Variants in DOP1B observed in about 807,000 individuals in gnomAD.
The protein encoded by DOP1B is protein DOP1B.
In DOP1B, 174 loss-of-function variants were observed where a neutral mutation model predicts 233.5. That is an observed-to-expected ratio of 0.75 (90% CI 0.66 to 0.85). The LOEUF (loss-of-function observed/expected upper bound fraction) is 0.85. DOP1B is among the 40% of genes least tolerant of loss of function. The pLI is 0.00. For missense variants in DOP1B, 2,652 were observed against 2,846.6 expected, an observed-to-expected ratio of 0.93 and a Z score of 1.56; for synonymous variants, 1,190 against 1,185.6, an observed-to-expected ratio of 1.00 and a Z score of -0.08.
intron 12 of DOP1B, among the ~76,000 whole-genome samples, chr21:36,227,429 C>A (rs2066704142): frequency 1.3e-5 from 2 of 151,218 alleles, no homozygotes; most frequent in South Asian, 2.1e-4. Flanking sequence ...CACCTGTAGT[C>A]CCAGCTGCTC....
intron 11 of DOP1B, 87 bp downstream of exon 11, chr21:36,223,437 T>C: frequency 6.6e-7 from 1 of 1,504,392 alleles, no homozygotes; most frequent in Non-Finnish European, 8.9e-7. Flanking sequence ...TCAGATTATA[T>C]ATAAGTAGCT....
intron 3 of DOP1B, among the ~76,000 whole-genome samples, chr21:36,199,786 A>AC (rs2066340050): frequency 2.0e-5 from 3 of 152,198 alleles, no homozygotes; most frequent in African/African-American, 7.2e-5. Flanking sequence ...TTATGGCTAC[A>AC]TAGTATTCCA....
chr21:36,236,777 C>CTTTTTTTTTTTTTTTTTTTTTTTTTTTTT (rs35374710), intron 15 of DOP1B, among the ~76,000 whole-genome samples: 19 of 118,570 alleles, frequency 1.6e-4, no homozygotes, highest in Admixed American at 2.9e-4. Context: ...TTTTCTTTTT[C>CTTTTTTTTTTTTTTTTTTTTTTTTTTTTT]TTTTTTTTTT....
At chr21:36,291,453 C>G (rs1015055486) in intron 35 of DOP1B, among the ~76,000 whole-genome samples, 1 of 151,788 alleles carries the variant, frequency 6.6e-6, no homozygotes, top group Non-Finnish European at 1.5e-5. Context: ...CCCAGCTACT[C>G]GGGAGGCTGA....
intron 32 of DOP1B, among the ~76,000 whole-genome samples, chr21:36,287,419 G>A (rs1348363975): frequency 2.0e-5 from 3 of 151,948 alleles, no homozygotes; most frequent in African/African-American, 7.3e-5. Flanking sequence ...GTCATCCAGT[G>A]GATTTCTGGT....
chr21:36,275,759 T>C (rs369923496), intron 27 of DOP1B, among the ~76,000 whole-genome samples: 6 of 152,300 alleles, frequency 3.9e-5, no homozygotes, highest in African/African-American at 1.4e-4. Context: ...TGGTTTGCTC[T>C]GGAACATTTA....
intron 2 of DOP1B, among the ~76,000 whole-genome samples, chr21:36,186,372 ATG>A (rs2123442884): frequency 6.6e-6 from 1 of 151,854 alleles, no homozygotes; most frequent in African/African-American, 2.4e-5. Context: ...TGCAGTGTGT[ATG>A]TGTGGAGTGT....
At chr21:36,207,734 G>A (rs2066445963) in intron 4 of DOP1B, among the ~76,000 whole-genome samples, 1 of 152,092 alleles carries the variant, frequency 6.6e-6, no homozygotes, top group African/African-American at 2.4e-5. Flanking sequence ...ATTGTTTTTT[G>A]TGGTCTTTGC....
At chr21:36,258,546 T>C (rs2067134147) in intron 23 of DOP1B, among the ~76,000 whole-genome samples, 1 of 152,196 alleles carries the variant, frequency 6.6e-6, no homozygotes, top group Non-Finnish European at 1.5e-5. Context: ...AGACTTTTTT[T>C]TCAGCCATTT....
intron 15 of DOP1B, among the ~76,000 whole-genome samples, chr21:36,236,782 T>C (rs534795056): frequency 6.9e-6 from 1 of 145,718 alleles, no homozygotes; most frequent in Admixed American, 6.8e-5. Context: ...TTTTTCTTTT[T>C]TTTTTTTTTT....
rs1248376041 is a variant in DOP1B, at chr21:36,250,156, G to A, written c.4999-1006G>A. 2.0e-5 allele frequency among the ~76,000 whole-genome samples: 3 copies of A among 152,088 alleles called. 1 individual carries two copies. Among genetic ancestry groups the A allele is most frequent in the African/African-American group, 7.2e-5 (3 of 41,400 alleles). On this transcript the variant is annotated intron_variant, in intron 21 of 36. Coordinates refer to ENST00000691173, the MANE Select transcript of DOP1B (RefSeq NM_001320714.2). ...CCTGAGGAACCCAGGGCCGGGGAGC[G>A]GGACCCCACATTAGTCCCTCTAGAG...
intron 2 of DOP1B, among the ~76,000 whole-genome samples, chr21:36,174,272 G>C (rs2066001588): frequency 6.6e-6 from 1 of 152,180 alleles, no homozygotes; most frequent in South Asian, 2.1e-4. Context: ...TGGATTACTT[G>C]AGGTCAGGAG....
chr21:36,269,894 G>A (rs2067267779), intron 26 of DOP1B, 119 bp from the exon 27 acceptor site: 1 of 1,000,916 alleles, frequency 1.0e-6, no homozygotes, highest in Non-Finnish European at 1.5e-6. Context: ...AAGCTTAATG[G>A]TACGTATATG....
chr21:36,198,840 C>G (rs147552904), intron 2 of DOP1B, among the ~76,000 whole-genome samples: 1 of 152,144 alleles, frequency 6.6e-6, no homozygotes, highest in African/African-American at 2.4e-5. Context: ...GAGGTGTGAC[C>G]GAGAAGCTGG....
chr21:36,246,843 A>ATGTTATGTTATG lies in DOP1B; in HGVS notation c.4697+167_4697+168insGTTATGTTATGT. 6.8e-6 allele frequency among the ~76,000 whole-genome samples: 1 copy of ATGTTATGTTATG among 147,016 alleles called. No homozygotes were observed. The highest frequency in any genetic ancestry group is 2.5e-5 in the African/African-American group (1 of 39,402). On this transcript the variant is annotated intron_variant, in intron 19 of 36. Transcript: ENST00000691173. The surrounding 1 kb of genome is among the most constrained non-coding windows in gnomAD (Gnocchi z 5.1). ...AACAAGCAACTAAATGTTCTGATCC[A>ATGTTATGTTATG]TTATGTTATGTTATGTTATGTTATG...
chr21:36,231,437 AAATTGTGT>A (rs2066764029), intron 14 of DOP1B, among the ~76,000 whole-genome samples: 1 of 152,206 alleles, frequency 6.6e-6, no homozygotes, highest in African/African-American at 2.4e-5. Flanking sequence ...AGACTAGCTC[AAATTGTGT>A]AAGCCAAGAA....
chr21:36,206,265 G>T (rs1288211896), intron 4 of DOP1B, among the ~76,000 whole-genome samples: 1 of 151,978 alleles, frequency 6.6e-6, no homozygotes, highest in Non-Finnish European at 1.5e-5. Flanking sequence ...GGGCACAGTG[G>T]CTCACACCTG....
intron 18 of DOP1B, 140 bp downstream of exon 18, chr21:36,240,095 G>T: frequency 1.0e-6 from 1 of 978,624 alleles, no homozygotes; most frequent in Non-Finnish European, 1.5e-6. Context: ...TGAGGACTTC[G>T]GCAATTTAAG....
At position 36,288,783 on chromosome 21, in the gene DOP1B, G is replaced by A. The variant is rs770511494; in HGVS notation, c.6325G>A (p.Asp2109Asn). 2 of 1,612,974 alleles carry A rather than the reference G, an allele frequency of 1.2e-6. No homozygotes were observed. Among genetic ancestry groups the A allele is most frequent in the Non-Finnish European group, 1.7e-6 (2 of 1,179,282 alleles). The change falls in exon 34 of 37, where the codon GAT becomes AAT. Residue 2109 changes from aspartate to asparagine, a missense_variant. Physicochemically the swap from Asp to Asn is conservative, Grantham distance 23 (BLOSUM62 1). Coordinates refer to ENST00000691173, the MANE Select transcript of DOP1B (RefSeq NM_001320714.2). ...LIQTFTQLEE[D>N]LKDEDESLRS... ...TCAGACATTCACACAGCTTGAAGAA[G>A]ATCTAAAAGATGAAGATGAGTCATT...
Sources: gnomAD v4.1 joint callset for allele counts (sites outside exome capture counted in the v4.1 genomes callset) on GRCh38, gnomAD v4.1.1 for gene constraint, Gnocchi (gnomAD v3.1) non-coding constraint, MANE v1.5 for transcripts, NCBI Gene and HGNC (gene_info 2026-07-23, HGNC 2026-07-21) for gene names.